The following ANK1 variants were observed in gnomAD, a reference collection of about 807,000 sequenced individuals.
The protein encoded by ANK1 is ankyrin-1.
In ANK1, 51 loss-of-function variants were observed where a neutral mutation model predicts 210.4. The observed-to-expected ratio is 0.24, with a 90% CI of 0.19 to 0.31. The LOEUF (loss-of-function observed/expected upper bound fraction) is 0.31. Ranked by LOEUF, ANK1 falls within the 10% of genes least tolerant of loss-of-function variation. The pLI is 1.00. For synonymous variants in ANK1, 967 were observed against 1,025.9 expected, an observed-to-expected ratio of 0.94 and a Z score of 1.10; for missense variants, 2,051 against 2,504.4, an observed-to-expected ratio of 0.82 and a Z score of 3.86.
upstream of ANK1, among the ~76,000 whole-genome samples, chr8:41,800,444 T>C (rs190287467): frequency 4.9e-4 from 75 of 152,324 alleles, no homozygotes; most frequent in Admixed American, 2.8e-3. Context: ...CCATTTTGCA[T>C]TAGATTAACG....
At chr8:41,718,268 GA>G in intron 10 of ANK1, 64 bp from the exon 11 acceptor site, 8 of 1,528,846 alleles carry the variant, frequency 5.2e-6, no homozygotes, top group Non-Finnish European at 7.2e-6. Flanking sequence ...GGAACGCCCA[GA>G]AGACCACCTG....
chr8:41,683,546 T>G (rs1020077911), intron 37 of ANK1, among the ~76,000 whole-genome samples: 4 of 152,188 alleles, frequency 2.6e-5, no homozygotes, highest in African/African-American at 9.7e-5. Flanking sequence ...ACAAGGAGCT[T>G]GAGGAGCATA....
intron 1 of ANK1, among the ~76,000 whole-genome samples, chr8:41,785,616 T>G (rs1846184430): frequency 6.6e-6 from 1 of 152,136 alleles, no homozygotes; most frequent in Non-Finnish European, 1.5e-5. Context: ...GGTCCGACCT[T>G]CCCCTCTTGT....
intron 1 of ANK1, among the ~76,000 whole-genome samples, chr8:41,858,378 A>AATTC (rs1812612824): frequency 6.6e-6 from 1 of 151,956 alleles, no homozygotes; most frequent in African/African-American, 2.4e-5. Context: ...AAGAAAAGAA[A>AATTC]ATTCACCTAG....
chr8:41,696,656 GC>G lies in ANK1; in HGVS notation c.2735+19del, dbSNP rs774460656. The G allele has an allele frequency of 6.2e-7, 1 of 1,605,520 alleles. No individual in the cohort carries two copies. Among genetic ancestry groups the G allele is most frequent in the Non-Finnish European group, 8.5e-7 (1 of 1,179,754 alleles). ...CGGAGATGGAGACAGGAGTCCCCGA[GC>G]CCTGCGCCCGCCACTCACCCTGTAT... On this transcript the variant is annotated intron_variant, in intron 25 of 42. Transcript: ENST00000289734.
chr8:41,707,195 C>A (rs1367203226), intron 17 of ANK1, among the ~76,000 whole-genome samples: 2 of 152,230 alleles, frequency 1.3e-5, no homozygotes, highest in Non-Finnish European at 2.9e-5. Flanking sequence ...ATTGAACGGA[C>A]CATATTCTTG....
intron 2 of ANK1, among the ~76,000 whole-genome samples, chr8:41,738,363 G>A (rs1833940320): frequency 1.3e-5 from 2 of 152,102 alleles, no homozygotes; most frequent in Admixed American, 6.5e-5. Flanking sequence ...AGATGGCTGC[G>A]TCTACCTACC....
rs143178231 is a variant in ANK1, at chr8:41,805,485, G to A, written c.127-47348C>T. Among the ~76,000 whole-genome samples the A allele has an allele frequency of 9.6e-4, 146 of 152,068 alleles. 2 individuals carry two copies. The East Asian group carries it at 0.022, about 23-fold the overall frequency. On this transcript the variant is annotated intron_variant, in intron 1 of 42. Transcript: ENST00000265709. ...TGGTCTTGAACTCGTGGGCTCAAGC[G>A]ATCCTCCTGATTCAGCTTCCCCGAG...
intron 2 of ANK1, among the ~76,000 whole-genome samples, chr8:41,754,708 A>C (rs1838656210): frequency 6.6e-6 from 1 of 152,228 alleles, no homozygotes; most frequent in Admixed American, 6.5e-5. Flanking sequence ...CACATTACGC[A>C]GATGCAGGAT....
chr8:41,892,381 G>GGCAGCTGT (rs1819617696), intron 1 of ANK1, among the ~76,000 whole-genome samples: 1 of 152,200 alleles, frequency 6.6e-6, no homozygotes, highest in Non-Finnish European at 1.5e-5. Context: ...AAAGACTGAC[G>GGCAGCTGT]GAGCTGCCTG....
intron 23 of ANK1, among the ~76,000 whole-genome samples, chr8:41,698,436 C>T (rs490157): frequency 0.67 from 101,512 of 152,108 alleles, 34,280 homozygotes; most frequent in East Asian, 0.9. Context: ...AAGTTGCTTA[C>T]GGTCAGGGTT....
chr8:41,655,665 C>T lies in ANK1; in HGVS notation c.*125G>A. 1 of 1,579,856 alleles carries T rather than the reference C, an allele frequency of 6.3e-7. No homozygotes were observed. The highest frequency in any genetic ancestry group is 8.7e-7 in the Non-Finnish European group (1 of 1,149,560). On this transcript the variant is annotated 3_prime_UTR_variant, in exon 43 of 43. Coordinates refer to ENST00000289734, the MANE Select transcript of ANK1 (RefSeq NM_000037.4). ...TGCCGTCAGCCCAGAGGAATGTGTGCACCGCTGCGGTGGCCCTCAGGTCCA... is the reference window on the plus strand; with the variant it reads ...TGCCGTCAGCCCAGAGGAATGTGTGTACCGCTGCGGTGGCCCTCAGGTCCA...
At chr8:41,859,696 T>C (rs1812905425) in intron 1 of ANK1, among the ~76,000 whole-genome samples, 1 of 152,224 alleles carries the variant, frequency 6.6e-6, no homozygotes, top group African/African-American at 2.4e-5. Context: ...TAAACACTTA[T>C]TGATTGATTG....
chr8:41,843,292 A>G (rs1809357656), intron 1 of ANK1, among the ~76,000 whole-genome samples: 2 of 152,216 alleles, frequency 1.3e-5, no homozygotes, highest in African/African-American at 4.8e-5. Context: ...TCACCCAAGT[A>G]TAATACATTG....
intron 1 of ANK1, among the ~76,000 whole-genome samples, chr8:41,837,957 C>G (rs553844771): frequency 1.3e-5 from 2 of 152,288 alleles, no homozygotes; most frequent in South Asian, 2.1e-4. Flanking sequence ...AGGGCAGGCT[C>G]TGGCCACCTG....
At position 41,705,971 on chromosome 8, in the gene ANK1, G is replaced by T. The variant is rs576235204; in HGVS notation, c.2097+172C>A. Among the ~76,000 whole-genome samples the T allele has an allele frequency of 2.6e-5, 4 of 152,308 alleles. No individual in the cohort carries two copies. The South Asian group carries it at 8.3e-4, about 32-fold the overall frequency. On this transcript the variant is annotated intron_variant, in intron 18 of 42. Transcript: ENST00000289734. ...AGCAAACTTTAAAAAAATCCCCAAT[G>T]GGAAAGTCAGGTAATTAGGAGTAGT...
chr8:41,797,624 C>A, upstream of ANK1: 1 of 1,593,938 alleles, frequency 6.3e-7, no homozygotes, highest in South Asian at 1.1e-5. The surrounding 1 kb of genome is among the most constrained non-coding windows in gnomAD (Gnocchi z 4.0). Flanking sequence ...GCAGCCTCTG[C>A]GGGGCCTGTG....
intron 1 of ANK1, chr8:41,829,902 C>T (rs1806261973): frequency 7.0e-6 from 1 of 142,936 alleles, no homozygotes; most frequent in Non-Finnish European, 1.5e-5. Context: ...CCCCACTGCA[C>T]TCCAGCCTGG....
chr8:41,891,136 C>G (rs1819365602), intron 1 of ANK1, among the ~76,000 whole-genome samples: 1 of 152,120 alleles, frequency 6.6e-6, no homozygotes, highest in Non-Finnish European at 1.5e-5. Flanking sequence ...AGGAAGGAAT[C>G]AATAACAGGA....
Sources: allele counts gnomAD v4.1 joint callset (sites outside exome capture counted in the v4.1 genomes callset), GRCh38; gene constraint gnomAD v4.1.1; non-coding constraint Gnocchi (gnomAD v3.1); transcripts MANE v1.5; gene names NCBI Gene and HGNC (gene_info 2026-07-23, HGNC 2026-07-21).